Variants in TYW1B observed in about 807,000 individuals in gnomAD.
TYW1B encodes the protein S-adenosyl-L-methionine-dependent tRNA 4-demethylwyosine synthase TYW1B.
In TYW1B, 73 loss-of-function variants were observed where a neutral mutation model predicts 86.9. The observed-to-expected ratio is 0.84, with a 90% CI of 0.70 to 1.02. TYW1B has a LOEUF of 1.02. Among genes scored for constraint, TYW1B ranks in the 50% least tolerant of loss-of-function variants. The probability of loss-of-function intolerance (pLI) is 0.00; values close to 1 mark genes in which losing one functional copy is unlikely to be tolerated. For synonymous variants in TYW1B, 248 were observed against 292.8 expected, an observed-to-expected ratio of 0.85 and a Z score of 1.56; for missense variants, 637 against 827.4, an observed-to-expected ratio of 0.77 and a Z score of 2.82.
chr7:72,657,441 G>C (rs528219653), intron 11 of TYW1B, among the ~76,000 whole-genome samples: 1 of 152,110 alleles, frequency 6.6e-6, no homozygotes, highest in Non-Finnish European at 1.5e-5. Context: ...TAAAATAATA[G>C]TTTAAAATTT....
At chr7:72,795,130 G>A (rs1788283872) in intron 6 of TYW1B, among the ~76,000 whole-genome samples, 1 of 151,762 alleles carries the variant, frequency 6.6e-6, no homozygotes, top group Non-Finnish European at 1.5e-5. Context: ...TCCTACTTCT[G>A]TTTATCTGTC....
At chr7:72,606,388 C>T (rs143774708) in intron 13 of TYW1B, among the ~76,000 whole-genome samples, 5,503 of 151,414 alleles carry the variant, frequency 0.036, 129 homozygotes, top group African/African-American at 0.063. Flanking sequence ...AACGAGGCAC[C>T]CCTCTTGACT....
chr7:72,785,702 T>C (rs1788117152), intron 6 of TYW1B, among the ~76,000 whole-genome samples: 1 of 152,106 alleles, frequency 6.6e-6, no homozygotes, highest in African/African-American at 2.4e-5. Context: ...GGCCCAACTC[T>C]TAAGCACTGG....
chr7:72,658,066 TAACACAGTGAAACC>T (rs1813246422), intron 11 of TYW1B, among the ~76,000 whole-genome samples: 1 of 152,036 alleles, frequency 6.6e-6, no homozygotes, highest in Non-Finnish European at 1.5e-5. Flanking sequence ...CCATCCTGGC[TAACACAGTGAAACC>T]CCGTCTCTAC....
intron 9 of TYW1B, among the ~76,000 whole-genome samples, chr7:72,716,589 CAA>C (rs1471397634): frequency 6.6e-6 from 1 of 152,112 alleles, no homozygotes; most frequent in African/African-American, 2.4e-5. Context: ...GAGGGGCTGG[CAA>C]AGAGATGCAG....
intron 6 of TYW1B, among the ~76,000 whole-genome samples, chr7:72,798,964 T>C (rs1788356762): frequency 6.6e-6 from 1 of 152,050 alleles, no homozygotes; most frequent in Non-Finnish European, 1.5e-5. Context: ...TTCTACTAGG[T>C]TTTTGGTCAG....
intron 13 of TYW1B, among the ~76,000 whole-genome samples, chr7:72,592,935 TACA>T (rs1811430481): frequency 6.6e-6 from 1 of 152,294 alleles, no homozygotes; most frequent in African/African-American, 2.4e-5. Context: ...ATGACAATTC[TACA>T]ACAATACTCA....
At chr7:72,788,686 C>A (rs1291250813) in intron 6 of TYW1B, among the ~76,000 whole-genome samples, 1 of 152,120 alleles carries the variant, frequency 6.6e-6, no homozygotes, top group Non-Finnish European at 1.5e-5. Context: ...GCATGCGCCA[C>A]CATACCCGGC....
chr7:72,655,233 C>T (rs1813170547), intron 11 of TYW1B, among the ~76,000 whole-genome samples: 1 of 152,066 alleles, frequency 6.6e-6, no homozygotes, highest in Non-Finnish European at 1.5e-5. Context: ...GAGAGGTCCC[C>T]AGTGGCCCAC....
At chr7:72,583,601 CA>C (rs1213028829) in intron 13 of TYW1B, among the ~76,000 whole-genome samples, 1 of 151,958 alleles carries the variant, frequency 6.6e-6, no homozygotes, top group Non-Finnish European at 1.5e-5. Flanking sequence ...AGAATTTTGA[CA>C]AAACTAAAAA....
chr7:72,801,041 T>C (rs1398087463), intron 6 of TYW1B, among the ~76,000 whole-genome samples: 1 of 152,108 alleles, frequency 6.6e-6, no homozygotes, highest in African/African-American at 2.4e-5. Flanking sequence ...AATTAATCTG[T>C]AGGTAGGCCA....
At chr7:72,606,607 GCC>G (rs782240914) in intron 13 of TYW1B, among the ~76,000 whole-genome samples, 9 of 56,856 alleles carry the variant, frequency 1.6e-4, no homozygotes, top group Admixed American at 8.0e-4. Flanking sequence ...CAGCAATAAG[GCC>G]CCCCCCCCGC....
chr7:72,695,750 G>A (rs563419200), intron 10 of TYW1B, among the ~76,000 whole-genome samples: 3 of 151,826 alleles, frequency 2.0e-5, no homozygotes, highest in East Asian at 3.9e-4. Flanking sequence ...GTGCCACCAC[G>A]CCCGGCTAAT....
chr7:72,782,568 A>T (rs1788066895), intron 6 of TYW1B, among the ~76,000 whole-genome samples: 1 of 152,062 alleles, frequency 6.6e-6, no homozygotes, highest in South Asian at 2.1e-4. Flanking sequence ...TCCTTTTCTT[A>T]TCAATTCCTA....
chr7:72,827,970 C>T, intron 1 of TYW1B, 102 bp downstream of exon 1: 1 of 1,577,764 alleles, frequency 6.3e-7, no homozygotes, highest in East Asian at 2.3e-5. Context: ...CAACAGTCTC[C>T]GAAGGAAGGG....
At chr7:72,625,321 A>T (rs1812317988) in intron 12 of TYW1B, among the ~76,000 whole-genome samples, 1 of 152,102 alleles carries the variant, frequency 6.6e-6, no homozygotes. Flanking sequence ...CTCTGTTGTT[A>T]ATAGCATCTT....
chr7:72,634,591 A>T (rs576161672), intron 11 of TYW1B, among the ~76,000 whole-genome samples: 1 of 150,804 alleles, frequency 6.6e-6, no homozygotes, highest in South Asian at 2.1e-4. Flanking sequence ...CTTAGCAGAT[A>T]TTGGCAATCT....
chr7:72,593,552 G>A (rs1585832495), intron 13 of TYW1B, among the ~76,000 whole-genome samples: 1 of 152,060 alleles, frequency 6.6e-6, no homozygotes, highest in East Asian at 1.9e-4. Context: ...GCCAGGCGTG[G>A]TTGCTCAGGC....
intron 9 of TYW1B, among the ~76,000 whole-genome samples, chr7:72,726,404 A>G (rs1341966892): frequency 6.7e-6 from 1 of 149,442 alleles, no homozygotes; most frequent in Non-Finnish European, 1.5e-5. Context: ...TTTGTCACCC[A>G]GGCTGGAGTC....
Sources: allele counts gnomAD v4.1 joint callset (sites outside exome capture counted in the v4.1 genomes callset), GRCh38; gene constraint gnomAD v4.1.1; transcripts MANE v1.5; gene names NCBI Gene and HGNC (gene_info 2026-07-23, HGNC 2026-07-21).